KDM4B: variants seen among roughly 807,000 people sequenced by gnomAD.
KDM4B encodes lysine demethylase 4B, also known as lysine-specific demethylase 4B.
In KDM4B, 32 loss-of-function variants were observed where a neutral mutation model predicts 125.2. The observed-to-expected ratio is 0.26, with a 90% CI of 0.19 to 0.34. KDM4B has a LOEUF of 0.34. KDM4B is among the 10% of genes least tolerant of loss of function. KDM4B has a pLI of 1.00. For missense variants in KDM4B, 1,190 were observed against 1,577.7 expected (o/e 0.75, Z 4.16); for synonymous variants, 721 against 677.9 (o/e 1.06, Z -0.99).
chr19:4,981,010 C>T (rs763284905), intron 1 of KDM4B, among the ~76,000 whole-genome samples: 13 of 152,224 alleles, frequency 8.5e-5, no homozygotes, highest in Middle Eastern at 3.4e-3. Flanking sequence ...TGCAGTGGCC[C>T]GGCGGGCCTG....
intron 1 of KDM4B, among the ~76,000 whole-genome samples, chr19:4,975,236 C>T (rs372841243): frequency 1.8e-4 from 27 of 152,308 alleles, no homozygotes; most frequent in African/African-American, 5.8e-4. Flanking sequence ...TCTGCTTTGC[C>T]GTTGTAGCAA....
intron 10 of KDM4B, chr19:5,111,244 G>A (rs1471495063): frequency 1.3e-5 from 8 of 631,592 alleles, no homozygotes; most frequent in Middle Eastern, 3.2e-4. Context: ...CCTCCCTGGC[G>A]CTGAGAGCAG....
chr19:5,058,615 G>A (rs1278241383), intron 6 of KDM4B, among the ~76,000 whole-genome samples: 1 of 152,254 alleles, frequency 6.6e-6, no homozygotes, highest in East Asian at 1.9e-4. Context: ...TGCAGGGGCT[G>A]CCTTAGCCTC....
At chr19:5,004,415 T>C (rs1311122107) in intron 1 of KDM4B, among the ~76,000 whole-genome samples, 1 of 152,158 alleles carries the variant, frequency 6.6e-6, no homozygotes, top group Non-Finnish European at 1.5e-5. Context: ...TTGGCCCTTC[T>C]CAGCCCTTGC....
chr19:5,041,201 T>G lies in KDM4B; in HGVS notation c.382T>G (p.Phe128Val). 1 of 1,613,268 alleles carries G rather than the reference T, an allele frequency of 6.2e-7. No individual in the cohort carries two copies. The highest frequency in any genetic ancestry group is 8.5e-7 in the Non-Finnish European group (1 of 1,179,376). The change falls in exon 5 of 23, where the codon TTT becomes GTT. Residue 128 changes from phenylalanine (F) to valine (V), a missense_variant. By Grantham distance (50) the Phe-to-Val change is conservative. Around this residue, in one of 7 missense-constraint regions of KDM4B, gnomAD observed 139 missense variants for 248.3 expected, o/e 0.56. Transcript: ENST00000159111. ...ACGCAAATACTGGAAGAACCTCACC[T>G]TTGTCTCCCCGATCTACGGGGCTGA... ...LERKYWKNLT[F>V]VSPIYGADIS...
At chr19:4,992,425 A>G (rs1300640635) in intron 1 of KDM4B, among the ~76,000 whole-genome samples, 1 of 151,812 alleles carries the variant, frequency 6.6e-6, no homozygotes, top group African/African-American at 2.4e-5. Flanking sequence ...TTTCCCTCTA[A>G]GTACTGCTTT....
chr19:5,067,476 T>C (rs1461584988), intron 6 of KDM4B, among the ~76,000 whole-genome samples: 1 of 152,064 alleles, frequency 6.6e-6, no homozygotes, highest in Non-Finnish European at 1.5e-5. Flanking sequence ...GCTCTGAAGA[T>C]GGTAGAAGGG....
At chr19:5,048,821 G>A (rs2037125042) in intron 6 of KDM4B, among the ~76,000 whole-genome samples, 1 of 152,208 alleles carries the variant, frequency 6.6e-6, no homozygotes, top group Non-Finnish European at 1.5e-5. Context: ...TGCCTCCATA[G>A]GGACCGTCTG....
At chr19:5,105,907 T>G (rs754692961) in intron 9 of KDM4B, among the ~76,000 whole-genome samples, 19 of 152,360 alleles carry the variant, frequency 1.2e-4, no homozygotes, top group Admixed American at 7.8e-4. Context: ...CAAAAACAAG[T>G]GGCAGGCCAG....
chr19:5,134,541 C>T, intron 14 of KDM4B, among the ~76,000 whole-genome samples: 1 of 152,214 alleles, frequency 6.6e-6, no homozygotes, highest in East Asian at 1.9e-4. Flanking sequence ...GAGCTGGCCT[C>T]TGCCCACGGC....
chr19:5,129,655 C>A (rs2039509342), intron 11 of KDM4B, among the ~76,000 whole-genome samples: 1 of 152,246 alleles, frequency 6.6e-6, no homozygotes. Context: ...AGTTTTAGCA[C>A]TGAAAGCCCC....
intron 2 of KDM4B, among the ~76,000 whole-genome samples, chr19:5,028,541 G>C (rs890800709): frequency 6.6e-6 from 1 of 152,206 alleles, no homozygotes; most frequent in African/African-American, 2.4e-5. Flanking sequence ...TGCAGACGTG[G>C]TGTACACGTT....
intron 6 of KDM4B, among the ~76,000 whole-genome samples, chr19:5,054,908 G>C (rs1457539675): frequency 6.6e-6 from 1 of 152,256 alleles, no homozygotes; most frequent in African/African-American, 2.4e-5. Flanking sequence ...GCCCAGGCCT[G>C]CTTATCAAGA....
chr19:4,989,307 C>T (rs941114161), intron 1 of KDM4B, among the ~76,000 whole-genome samples: 1 of 152,116 alleles, frequency 6.6e-6, no homozygotes. Context: ...TTTCTTTTTT[C>T]TGTTTCTGTT....
chr19:5,138,143 C>A lies in KDM4B; in HGVS notation c.2550+73C>A, dbSNP rs1245606925. 30 of 1,179,472 alleles carry A rather than the reference C, an allele frequency of 2.5e-5. No homozygotes were observed. In the South Asian group the frequency reaches 3.5e-4, roughly 14 times the overall value. The allele number at this position is 1,179,472 out of a possible 1,614,324, so 73.1% of individuals were successfully genotyped here. A position where few individuals can be genotyped will look rare whatever the true frequency, so the allele number is the denominator to read the frequency against. On this transcript the variant is annotated intron_variant, in intron 18 of 22. Coordinates refer to ENST00000159111, the MANE Select transcript of KDM4B (RefSeq NM_015015.3). ...CCGGCCATGCTCGGCTCCCCACCTG[C>A]GCGATCTGAAGCGGTCTTTCCTCCA...
At chr19:5,004,317 C>A (rs2035488049) in intron 1 of KDM4B, among the ~76,000 whole-genome samples, 1 of 152,214 alleles carries the variant, frequency 6.6e-6, no homozygotes, top group African/African-American at 2.4e-5. Flanking sequence ...CAGCTCTTGC[C>A]CTGCCACAGG....
Position 4,997,634 on chromosome 19 carries a change from G to A in KDM4B, c.-108-18623G>A, listed in dbSNP as rs1007735859. Among the ~76,000 whole-genome samples, 4 of 152,170 alleles carry A rather than the reference G, an allele frequency of 2.6e-5. No individual in the cohort carries two copies. Among genetic ancestry groups the A allele is most frequent in the Non-Finnish European group, 5.9e-5 (4 of 68,016 alleles). On this transcript the variant is annotated intron_variant, in intron 1 of 22. Transcript: ENST00000159111. This position sits in a 1 kb window ranked among gnomAD's most constrained non-coding sequence, Gnocchi z 4.2. ...GGAATAGCTGTCCCTGCCTCCTCCG[G>A]TTGGTGGGCTGGTCAGCCATGCCAG... is the stretch of plus-strand genomic sequence containing the variant.
intron 15 of KDM4B, among the ~76,000 whole-genome samples, chr19:5,136,149 A>G (rs913261981): frequency 6.6e-6 from 1 of 152,216 alleles, no homozygotes; most frequent in African/African-American, 2.4e-5. Context: ...GTCTTCTCCA[A>G]GGCCTGGGAG....
At chr19:5,079,739 TC>T (rs1386246160) in intron 8 of KDM4B, among the ~76,000 whole-genome samples, 1 of 152,216 alleles carries the variant, frequency 6.6e-6, no homozygotes, top group African/African-American at 2.4e-5. Context: ...TCTTAACTTT[TC>T]TTTTTTTCTA....
Sources: allele counts gnomAD v4.1 joint callset (sites outside exome capture counted in the v4.1 genomes callset), GRCh38; gene constraint gnomAD v4.1.1; regional missense constraint gnomAD v4.1.1; non-coding constraint Gnocchi (gnomAD v3.1); transcripts MANE v1.5; gene names NCBI Gene and HGNC (gene_info 2026-07-23, HGNC 2026-07-21).